The following EIF3E variants were observed in gnomAD, a reference collection of about 807,000 sequenced individuals.
EIF3E encodes the protein eIF-3 p48.
EIF3E carries 25 observed loss-of-function variants against 59.3 expected under a neutral mutation model. That is an observed-to-expected ratio of 0.42 (90% CI 0.31 to 0.59). The LOEUF is 0.59. EIF3E is among the 20% of genes least tolerant of loss of function. The pLI is 0.15. For synonymous variants in EIF3E, 176 were observed against 170.2 expected (o/e 1.03, Z -0.26); for missense variants, 317 against 534.3 (o/e 0.59, Z 4.01).
At chr8:108,223,468 G>A (rs1052414902) in intron 7 of EIF3E, among the ~76,000 whole-genome samples, 1 of 152,154 alleles carries the variant, frequency 6.6e-6, no homozygotes. Context: ...AGCAGGAAAG[G>A]TCTGTCTGTA....
At chr8:108,233,712 A>G (rs1021625550) in intron 5 of EIF3E, 4 of 376,666 alleles carry the variant, frequency 1.1e-5, no homozygotes, top group African/African-American at 4.3e-5. Context: ...ATGAGTGGTG[A>G]TGCACACTTG....
At chr8:108,218,849 T>C in intron 7 of EIF3E, among the ~76,000 whole-genome samples, 1 of 141,672 alleles carries the variant, frequency 7.1e-6, no homozygotes. Context: ...AGTGGCACCA[T>C]CTCAGTTCAC....
At position 108,201,267 on chromosome 8, in the gene EIF3E, C is replaced by CT. The variant is rs1814991337; in HGVS notation, c.*617dup. 1 of 126,538 alleles carries CT rather than the reference C, an allele frequency of 7.9e-6. No homozygotes were observed. Among genetic ancestry groups the CT allele is most frequent in the Non-Finnish European group, 1.6e-5 (1 of 62,330 alleles). 7.8% of individuals were successfully genotyped at this position (126,538 alleles called of 1,614,324 possible). ...CTACTGATCATATATATATATATAT[C>CT]TATCTCTCAACTTGGATGGCTCTCA... On this transcript the variant is annotated 3_prime_UTR_variant, in exon 13 of 13. Coordinates refer to ENST00000220849, the MANE Select transcript of EIF3E (RefSeq NM_001568.3).
At chr8:108,213,594 T>TA (rs1377977320) in intron 10 of EIF3E, among the ~76,000 whole-genome samples, 1 of 152,112 alleles carries the variant, frequency 6.6e-6, no homozygotes, top group Non-Finnish European at 1.5e-5. Flanking sequence ...TTACAAACCT[T>TA]AAAAACAAAG....
intron 8 of EIF3E, among the ~76,000 whole-genome samples, chr8:108,216,893 A>C (rs1046486474): frequency 6.6e-6 from 1 of 152,160 alleles, no homozygotes; most frequent in African/African-American, 2.4e-5. Flanking sequence ...TTATATTTCT[A>C]ATCTACGGGT....
chr8:108,245,127 CCCT>C lies in EIF3E; in HGVS notation c.91-3217_91-3215del, dbSNP rs202213089. 1.9e-3 allele frequency among the ~76,000 whole-genome samples: 294 copies of C among 151,326 alleles called. 1 individual carries two copies. Among genetic ancestry groups the C allele is most frequent in the African/African-American group, 6.6e-3 (268 of 40,812 alleles). ...ACTCCTCAAAACCCTCACTGCCCCCCCCTCCCATCCCATACCAATACAGAATGG... is the reference window on the plus strand; with the variant it reads ...ACTCCTCAAAACCCTCACTGCCCCCCCCCATCCCATACCAATACAGAATGG... On this transcript the variant is annotated intron_variant, in intron 1 of 12. Transcript: ENST00000220849.
intron 1 of EIF3E, among the ~76,000 whole-genome samples, chr8:108,247,087 A>G (rs1815962406): frequency 6.6e-6 from 1 of 152,194 alleles, no homozygotes; most frequent in South Asian, 2.1e-4. Context: ...GGTGTATTAC[A>G]GCTATCTTAC....
chr8:108,225,448 C>G (rs957449822), intron 7 of EIF3E, among the ~76,000 whole-genome samples: 9 of 151,266 alleles, frequency 5.9e-5, no homozygotes, highest in African/African-American at 2.2e-4. Flanking sequence ...TCCCAAACAA[C>G]CAATGAATGA....
rs1180256994 is a variant in EIF3E at position 108,204,746 on chromosome 8, TAGAGAGAG to T, written c.1062-1251_1062-1244del. Among the ~76,000 whole-genome samples, 23 of 113,684 alleles carry T rather than the reference TAGAGAGAG, an allele frequency of 2.0e-4. 1 individual carries two copies. Among genetic ancestry groups the T allele is most frequent in the African/African-American group, 6.0e-4 (17 of 28,376 alleles). The allele number at this position is 113,684 out of a possible 152,430, so 74.6% of individuals were successfully genotyped here. ...TAGTATGTATGTATATATATATATA[TAGAGAGAG>T]AGAGAGAGAGAGAGAGAGAGAGAGA... On this transcript the variant is annotated intron_variant, in intron 10 of 12. Coordinates refer to ENST00000220849, the MANE Select transcript of EIF3E (RefSeq NM_001568.3).
intron 5 of EIF3E, 164 bp downstream of exon 5, chr8:108,234,832 TTC>T (rs937595404): frequency 1.2e-5 from 5 of 400,542 alleles, no homozygotes; most frequent in Middle Eastern, 6.7e-4. Context: ...GGTTTCTAGT[TTC>T]TGTTTTTGAG....
chr8:108,239,921 G>C, intron 3 of EIF3E, 37 bp downstream of exon 3: 1 of 1,489,764 alleles, frequency 6.7e-7, no homozygotes, highest in Non-Finnish European at 9.4e-7. Flanking sequence ...AATCCAGAAA[G>C]GAGAATTTTT....
chr8:108,246,317 AG>A (rs1234929028), intron 1 of EIF3E, among the ~76,000 whole-genome samples: 1 of 150,872 alleles, frequency 6.6e-6, no homozygotes, highest in Non-Finnish European at 1.5e-5. Context: ...CTCACATAGC[AG>A]GATCACTGAC....
At chr8:108,207,828 C>T (rs1487367479) in intron 10 of EIF3E, among the ~76,000 whole-genome samples, 1 of 152,158 alleles carries the variant, frequency 6.6e-6, no homozygotes, top group Non-Finnish European at 1.5e-5. Context: ...CTTTCATCCT[C>T]AGTTCAATTT....
intron 10 of EIF3E, among the ~76,000 whole-genome samples, chr8:108,212,527 G>A (rs922732458): frequency 8.5e-5 from 13 of 152,218 alleles, no homozygotes; most frequent in South Asian, 2.1e-4. Context: ...AACGCTGGGC[G>A]CAAGTGGCTC....
At chr8:108,234,120 C>T (rs1397309243) in intron 5 of EIF3E, among the ~76,000 whole-genome samples, 1 of 152,166 alleles carries the variant, frequency 6.6e-6, no homozygotes, top group East Asian at 1.9e-4. Context: ...GCAACCTCCA[C>T]CTCCCAGATT....
chr8:108,210,180 T>C (rs959498291), intron 10 of EIF3E, among the ~76,000 whole-genome samples: 1 of 152,090 alleles, frequency 6.6e-6, no homozygotes, highest in Non-Finnish European at 1.5e-5. Flanking sequence ...TATTTCTGTT[T>C]ATTACTTTTT....
At position 108,221,981 on chromosome 8, in the gene EIF3E, C is replaced by A. The variant is rs192213149; in HGVS notation, c.723-4521G>T. Among the ~76,000 whole-genome samples the A allele has an allele frequency of 4.6e-3, 694 of 152,178 alleles. 4 individuals carry two copies. Among genetic ancestry groups the A allele is most frequent in the African/African-American group, 0.016 (648 of 41,512 alleles). ...CAGACATATAAAAACAGGCTGTGGG[C>A]CAGATTTTAGCCCATGGTCCATAGT... On this transcript the variant is annotated intron_variant, in intron 7 of 12. Coordinates refer to ENST00000220849, the MANE Select transcript of EIF3E (RefSeq NM_001568.3).
intron 1 of EIF3E, among the ~76,000 whole-genome samples, chr8:108,245,315 A>T (rs1362787132): frequency 6.6e-6 from 1 of 152,110 alleles, no homozygotes; most frequent in Admixed American, 6.5e-5. Flanking sequence ...AAAATACAAA[A>T]AAAATCAGCC....
chr8:108,235,673 G>A (rs148745106), intron 4 of EIF3E, among the ~76,000 whole-genome samples: 23 of 152,320 alleles, frequency 1.5e-4, no homozygotes, highest in African/African-American at 4.8e-4. Context: ...GAAAGCTTAC[G>A]ATGTTTCTTT....
Sources: gnomAD v4.1 joint callset for allele counts (sites outside exome capture counted in the v4.1 genomes callset) on GRCh38, gnomAD v4.1.1 for gene constraint, MANE v1.5 for transcripts, NCBI Gene and HGNC (gene_info 2026-07-23, HGNC 2026-07-21) for gene names.